ZDHHC21: variants seen among roughly 807,000 people sequenced by gnomAD.
ZDHHC21 encodes zDHHC palmitoyltransferase 21.
A neutral mutation model predicts 34.6 loss-of-function variants in ZDHHC21; 15 were observed. The ratio of observed to expected loss-of-function variants is 0.43; its 90% CI spans 0.29 to 0.67. ZDHHC21 has a LOEUF of 0.67. Ranked by LOEUF, ZDHHC21 falls within the 30% of genes least tolerant of loss-of-function variation. The pLI, the probability that ZDHHC21 is intolerant of heterozygous loss-of-function variation, is 0.14. For synonymous variants in ZDHHC21, 142 were observed against 101.8 expected (o/e 1.40, Z -2.38); for missense variants, 344 against 327.7 (o/e 1.05, Z -0.38).
the ZDHHC21 span, among the ~76,000 whole-genome samples, chr9:14,602,675 G>T: frequency 6.6e-6 from 1 of 152,092 alleles, no homozygotes; most frequent in African/African-American, 2.4e-5. Context: ...GAAAAAATGG[G>T]ATGACATTTT....
chr9:14,614,644 G>T lies in ZDHHC21; in HGVS notation c.*4322C>A, dbSNP rs1253639776. 1 of 151,650 alleles carries T rather than the reference G, an allele frequency of 6.6e-6. No homozygotes were observed. The highest frequency in any genetic ancestry group is 1.5e-5 in the Non-Finnish European group (1 of 67,732). 9.4% of individuals were successfully genotyped at this position (151,650 alleles called of 1,614,324 possible). On this transcript the variant is annotated 3_prime_UTR_variant, in exon 10 of 10. Transcript: ENST00000380916. ...TCTGTGATTTATAATAAATTCAGAG[G>T]ATGATTTCTAGAATAAAAGTTAACA...
At chr9:14,630,435 C>T (rs560751705) in intron 8 of ZDHHC21, among the ~76,000 whole-genome samples, 3 of 152,314 alleles carry the variant, frequency 2.0e-5, no homozygotes, top group South Asian at 4.2e-4. Flanking sequence ...TTAGTTACCA[C>T]CTCCACTGAA....
At chr9:14,675,096 T>C (rs1836137278) in intron 3 of ZDHHC21, among the ~76,000 whole-genome samples, 1 of 151,958 alleles carries the variant, frequency 6.6e-6, no homozygotes, top group South Asian at 2.1e-4. Context: ...CCAACAAATC[T>C]CATTATGATC....
chr9:14,592,984 T>C, the ZDHHC21 span, among the ~76,000 whole-genome samples: 14 of 152,066 alleles, frequency 9.2e-5, no homozygotes, highest in Admixed American at 9.2e-4. Flanking sequence ...ACACAGCATA[T>C]CAAAATTTAT....
intron 3 of ZDHHC21, among the ~76,000 whole-genome samples, chr9:14,677,918 T>C (rs1836716561): frequency 1.3e-5 from 2 of 152,110 alleles, no homozygotes; most frequent in South Asian, 4.1e-4. Context: ...ATGTAGATTT[T>C]AGAAAAGCAT....
chr9:14,674,175 C>T lies in ZDHHC21; in HGVS notation c.154+12G>A. On this transcript the variant is annotated intron_variant, in intron 4 of 9. Coordinates refer to ENST00000380916, the MANE Select transcript of ZDHHC21 (RefSeq NM_178566.6). ...AATAATTATACAAGAAAATAAAGAT[C>T]AAGAAACTTACTTATTATTAATATG... 1 of 1,472,052 alleles carries T rather than the reference C, an allele frequency of 6.8e-7. No homozygotes were observed. The highest frequency in any genetic ancestry group is 9.0e-7 in the Non-Finnish European group (1 of 1,112,414). 91.2% of individuals were successfully genotyped at this position (1,472,052 alleles called of 1,614,324 possible).
At chr9:14,669,297 T>A (rs11506192) in intron 5 of ZDHHC21, among the ~76,000 whole-genome samples, 23,467 of 125,800 alleles carry the variant, frequency 0.19, 2,045 homozygotes, top group East Asian at 0.27. Flanking sequence ...TCAAAACCAC[T>A]ATGAGATACC....
intron 2 of ZDHHC21, among the ~76,000 whole-genome samples, chr9:14,687,857 TC>T (rs1838575969): frequency 6.6e-6 from 1 of 150,964 alleles, no homozygotes; most frequent in Non-Finnish European, 1.5e-5. Flanking sequence ...CAATTTTTTT[TC>T]CACAGTGCCA....
chr9:14,589,063 GAGA>G, the ZDHHC21 span: 1 of 151,960 alleles, frequency 6.6e-6, no homozygotes, highest in Non-Finnish European at 1.5e-5. Context: ...TCATAAATTA[GAGA>G]AGAAGCTGTG....
At chr9:14,603,556 C>A in the ZDHHC21 span, among the ~76,000 whole-genome samples, 6 of 152,160 alleles carry the variant, frequency 3.9e-5, no homozygotes, top group Non-Finnish European at 4.4e-5. Flanking sequence ...ACAACCGTAA[C>A]ATGAAAGATT....
Position 14,655,562 on chromosome 9 carries a change from C to CA in ZDHHC21, c.504+3186dup, listed in dbSNP as rs755481688. On this transcript the variant is annotated intron_variant, in intron 7 of 9. Transcript: ENST00000380916. ...CCCAAAATATGAAAAATGATGATGA[C>CA]AGAGGGTGTTCCAAGACCACTGCTT... is the stretch of plus-strand genomic sequence containing the variant. Among the ~76,000 whole-genome samples the CA allele has an allele frequency of 2.0e-5, 3 of 151,778 alleles. No individual in the cohort carries two copies. The South Asian group carries it at 6.2e-4, about 31-fold the overall frequency.
chr9:14,624,676 T>C (rs533187475), intron 8 of ZDHHC21, among the ~76,000 whole-genome samples: 63 of 152,088 alleles, frequency 4.1e-4, no homozygotes, highest in Non-Finnish European at 6.8e-4. Context: ...GGGAAGAGGA[T>C]GGTCGATGGG....
At chr9:14,590,884 AACTG>A in the ZDHHC21 span, among the ~76,000 whole-genome samples, 6 of 152,300 alleles carry the variant, frequency 3.9e-5, no homozygotes, top group African/African-American at 9.6e-5. Context: ...TTAAAAAGAT[AACTG>A]ACTGGCAAAA....
At chr9:14,690,542 G>C (rs761991514) in intron 1 of ZDHHC21, among the ~76,000 whole-genome samples, 157 bp from the exon 2 acceptor site, 1 of 152,192 alleles carries the variant, frequency 6.6e-6, no homozygotes, top group Non-Finnish European at 1.5e-5. Flanking sequence ...TCGGTTAAGA[G>C]AGTCTCTGAA....
At chr9:14,673,965 T>A (rs1271216736) in intron 4 of ZDHHC21, among the ~76,000 whole-genome samples, 2 of 152,096 alleles carry the variant, frequency 1.3e-5, no homozygotes, top group Non-Finnish European at 2.9e-5. Flanking sequence ...ATGGTCTTCA[T>A]GCACTTTGCA....
chr9:14,665,698 A>G (rs1429333581), intron 5 of ZDHHC21, among the ~76,000 whole-genome samples: 4 of 140,830 alleles, frequency 2.8e-5, no homozygotes, highest in African/African-American at 5.2e-5. Flanking sequence ...AATATTCAAC[A>G]TTCTTAAAGA....
intron 8 of ZDHHC21, among the ~76,000 whole-genome samples, chr9:14,638,973 C>G (rs1454786398): frequency 6.6e-6 from 1 of 151,918 alleles, no homozygotes; most frequent in East Asian, 1.9e-4. Flanking sequence ...AAAAATAGAA[C>G]TACCATAAGA....
chr9:14,629,096 A>C (rs540358995), intron 8 of ZDHHC21, among the ~76,000 whole-genome samples: 1 of 152,318 alleles, frequency 6.6e-6, no homozygotes, highest in South Asian at 2.1e-4. Flanking sequence ...TAACAAATAG[A>C]ATATATCCTC....
At chr9:14,601,529 C>T in the ZDHHC21 span, among the ~76,000 whole-genome samples, 1 of 152,192 alleles carries the variant, frequency 6.6e-6, no homozygotes, top group Non-Finnish European at 1.5e-5. Context: ...AAAACAGGAA[C>T]ACTTTTACAC....
Sources: gnomAD v4.1 joint callset for allele counts (sites outside exome capture counted in the v4.1 genomes callset) on GRCh38, gnomAD v4.1.1 for gene constraint, MANE v1.5 for transcripts, NCBI Gene and HGNC (gene_info 2026-07-23, HGNC 2026-07-21) for gene names.